The following TBCEL variants were observed in gnomAD, a reference collection of about 807,000 sequenced individuals.
TBCEL encodes the protein tubulin folding cofactor E like.
In TBCEL, 15 loss-of-function variants were observed where a neutral mutation model predicts 44.2. That is an observed-to-expected ratio of 0.34 (90% CI 0.23 to 0.52). The LOEUF (loss-of-function observed/expected upper bound fraction) is 0.52, where lower values mean the gene tolerates loss of function less well. Among genes scored for constraint, TBCEL ranks in the 20% least tolerant of loss-of-function variants. The pLI is 0.95. For synonymous variants in TBCEL, 171 were observed against 185.4 expected (o/e 0.92, Z 0.63); for missense variants, 319 against 506.3 (o/e 0.63, Z 3.55).
chr11:121,034,315 G>T (rs544038386), intron 1 of TBCEL, among the ~76,000 whole-genome samples: 1 of 152,166 alleles, frequency 6.6e-6, no homozygotes, highest in Admixed American at 6.5e-5. Flanking sequence ...AGGTACAGTA[G>T]GAGTACAAAA....
chr11:121,048,747 C>T (rs1455977958), intron 4 of TBCEL, among the ~76,000 whole-genome samples: 3 of 151,880 alleles, frequency 2.0e-5, no homozygotes, highest in Admixed American at 1.3e-4. Flanking sequence ...TCATATGGCC[C>T]TTTGCTATTT....
At chr11:121,053,097 A>G (rs1945558701) in intron 4 of TBCEL, among the ~76,000 whole-genome samples, 1 of 151,886 alleles carries the variant, frequency 6.6e-6, no homozygotes, top group Non-Finnish European at 1.5e-5. Flanking sequence ...AATTTAACAC[A>G]TGAATTGTTA....
intron 2 of TBCEL, among the ~76,000 whole-genome samples, chr11:121,042,974 T>G (rs1225305818): frequency 6.6e-6 from 1 of 152,194 alleles, no homozygotes; most frequent in African/African-American, 2.4e-5. Flanking sequence ...CTCTTAGAAT[T>G]AACATTTATA....
chr11:121,047,600 TTGC>T lies in TBCEL; in HGVS notation c.211_213del (p.Ala71del). The stretch of plus-strand genomic sequence containing the variant: ...ACCTGTGCAGGAGATGAAAAAGAAA[TTGC>T]TGCTTTCTGCGCTCATGTGTCGGAA... On this transcript the variant is annotated inframe_deletion, in exon 4 of 9. Transcript: ENST00000683345. The T allele has an allele frequency of 6.2e-7, 1 of 1,612,776 alleles. No individual in the cohort carries two copies. Among genetic ancestry groups the T allele is most frequent in the Non-Finnish European group, 8.5e-7 (1 of 1,179,226 alleles).
intron 4 of TBCEL, among the ~76,000 whole-genome samples, chr11:121,049,092 CT>C (rs905274752): frequency 1.3e-5 from 2 of 151,572 alleles, no homozygotes; most frequent in African/African-American, 4.8e-5. Flanking sequence ...AGATTTTTAT[CT>C]TTTTTTTATC....
chr11:121,048,492 C>T (rs529986567), intron 4 of TBCEL, among the ~76,000 whole-genome samples: 1 of 151,978 alleles, frequency 6.6e-6, no homozygotes, highest in Admixed American at 6.6e-5. Context: ...AAATGTTCTT[C>T]CTACTTGGTT....
intron 2 of TBCEL, among the ~76,000 whole-genome samples, chr11:121,039,781 C>A (rs1022843211): frequency 6.6e-6 from 1 of 152,114 alleles, no homozygotes; most frequent in Non-Finnish European, 1.5e-5. Flanking sequence ...ACCCAAGGAA[C>A]CTAAAGGTGA....
Position 121,060,049 on chromosome 11 carries a change from A to G in TBCEL, c.920A>G (p.Tyr307Cys), listed in dbSNP as rs1303553199. ...GATTCTGAGAGATTTTTTATTCGTT[A>G]CTATGTGGATGTTCCACAGGAAGAA... ...REDSERFFIR[Y>C]YVDVPQEEVP... is the part of the protein sequence containing the mutation. Residue 307 changes from tyrosine to cysteine, a missense_variant, in exon 8 of 9, where the codon TAC becomes TGC. By Grantham distance (194) the Tyr-to-Cys change is radical (BLOSUM62 -2). Coordinates refer to ENST00000683345, the MANE Select transcript of TBCEL (RefSeq NM_001363644.2). 1 of 1,611,772 alleles carries G rather than the reference A, an allele frequency of 6.2e-7. No homozygotes were observed. The highest frequency in any genetic ancestry group is 2.2e-5 in the East Asian group (1 of 44,778).
intron 1 of TBCEL, among the ~76,000 whole-genome samples, chr11:121,034,538 A>G (rs1250635893): frequency 6.6e-6 from 1 of 152,176 alleles, no homozygotes; most frequent in Admixed American, 6.5e-5. Flanking sequence ...CATATTACAG[A>G]AAATATATTT....
intron 8 of TBCEL, among the ~76,000 whole-genome samples, chr11:121,075,794 A>G (rs1245167535): frequency 6.6e-6 from 1 of 151,990 alleles, no homozygotes; most frequent in Non-Finnish European, 1.5e-5. Context: ...TGTGAACATC[A>G]TAAAGTGTAC....
chr11:121,049,154 T>G (rs1205844813), intron 4 of TBCEL, among the ~76,000 whole-genome samples: 1 of 151,916 alleles, frequency 6.6e-6, no homozygotes, highest in East Asian at 1.9e-4. Flanking sequence ...CGTTAATGAT[T>G]AAATGATTAT....
Position 121,084,630 on chromosome 11 carries a change from G to C in TBCEL, c.957-2148G>C, listed in dbSNP as rs892049530. Among the ~76,000 whole-genome samples, 8 of 152,146 alleles carry C rather than the reference G, an allele frequency of 5.3e-5. No individual in the cohort carries two copies. The South Asian group carries it at 6.2e-4, about 12-fold the overall frequency. On this transcript the variant is annotated intron_variant, in intron 8 of 8. Coordinates refer to ENST00000683345, the MANE Select transcript of TBCEL (RefSeq NM_001363644.2). The stretch of plus-strand genomic sequence containing the variant: ...TGAGTAAATTCTCTTTGTCCACTTT[G>C]ACATTGTTTCTTTTGTTACTCCTAG...
intron 8 of TBCEL, among the ~76,000 whole-genome samples, chr11:121,083,205 T>C (rs874069): frequency 0.11 from 16,277 of 152,234 alleles, 942 homozygotes; most frequent in Middle Eastern, 0.16. Flanking sequence ...TTATTAATTA[T>C]AGTGGCCTGA....
intron 2 of TBCEL, among the ~76,000 whole-genome samples, chr11:121,042,623 C>T (rs967947451): frequency 1.3e-5 from 2 of 152,112 alleles, no homozygotes; most frequent in African/African-American, 4.8e-5. Context: ...TCACTTTACT[C>T]ATTATGATAT....
chr11:121,048,599 C>T (rs1357749025), intron 4 of TBCEL, among the ~76,000 whole-genome samples: 1 of 151,820 alleles, frequency 6.6e-6, no homozygotes, highest in East Asian at 1.9e-4. Flanking sequence ...TCTGTTTCTG[C>T]TAAGCTGTCT....
intron 1 of TBCEL, among the ~76,000 whole-genome samples, chr11:121,033,329 A>G (rs1945175736): frequency 6.6e-6 from 1 of 152,198 alleles, no homozygotes; most frequent in Admixed American, 6.5e-5. Flanking sequence ...TTGTAAAGGC[A>G]AATGCCCTTT....
At chr11:121,041,678 A>G (rs1420279778) in intron 2 of TBCEL, among the ~76,000 whole-genome samples, 1 of 151,276 alleles carries the variant, frequency 6.6e-6, no homozygotes, top group African/African-American at 2.4e-5. Context: ...TCCATCCTGT[A>G]TTTCCTCATT....
At chr11:121,063,888 A>G (rs1449835415) in intron 8 of TBCEL, among the ~76,000 whole-genome samples, 2 of 152,144 alleles carry the variant, frequency 1.3e-5, no homozygotes, top group Non-Finnish European at 2.9e-5. Flanking sequence ...AGATTAATCT[A>G]CTTTTTACCA....
At chr11:121,054,975 A>G in intron 5 of TBCEL, 77 bp from the exon 6 acceptor site, 1 of 1,358,910 alleles carries the variant, frequency 7.4e-7, no homozygotes, top group Non-Finnish European at 9.6e-7. Context: ...TTACTTATTT[A>G]TTGAATGAAT....
Sources: allele counts gnomAD v4.1 joint callset (sites outside exome capture counted in the v4.1 genomes callset), GRCh38; gene constraint gnomAD v4.1.1; transcripts MANE v1.5; gene names NCBI Gene and HGNC (gene_info 2026-07-23, HGNC 2026-07-21).